The following PLCB4 variants were observed in gnomAD, a reference collection of about 807,000 sequenced individuals.
PLCB4 encodes the protein 1-phosphatidylinositol 4,5-bisphosphate phosphodiesterase beta-4.
Under a neutral mutation model 178.8 loss-of-function variants are expected in PLCB4, and 77 were observed. The ratio of observed to expected loss-of-function variants is 0.43; its 90% CI spans 0.36 to 0.52. The LOEUF is 0.52. Among genes scored for constraint, PLCB4 ranks in the 20% least tolerant of loss-of-function variants. PLCB4 has a pLI of 0.00. For synonymous variants in PLCB4, 496 were observed against 490.8 expected (o/e 1.01, Z -0.14); for missense variants, 1,024 against 1,453.4 (o/e 0.70, Z 4.80).
intron 28 of PLCB4, among the ~76,000 whole-genome samples, chr20:9,426,162 A>T (rs182010540): frequency 1.3e-5 from 2 of 152,216 alleles, no homozygotes; most frequent in African/African-American, 4.8e-5. Context: ...TCATCAATAT[A>T]CATCATTAGA....
intron 4 of PLCB4, among the ~76,000 whole-genome samples, chr20:9,322,117 ATT>A (rs749496709): frequency 6.9e-5 from 8 of 116,592 alleles, no homozygotes; most frequent in East Asian, 5.5e-4. Context: ...CACCCAGGTA[ATT>A]TTTTTTTTTT....
intron 3 of PLCB4, among the ~76,000 whole-genome samples, chr20:9,263,305 TA>T (rs1453200383): frequency 1.3e-5 from 2 of 152,032 alleles, no homozygotes; most frequent in African/African-American, 4.8e-5. Flanking sequence ...AATTGACCAC[TA>T]CCTAAAATTG....
chr20:9,128,327 G>A (rs2092181830), intron 2 of PLCB4, among the ~76,000 whole-genome samples: 2 of 152,228 alleles, frequency 1.3e-5, no homozygotes, highest in Middle Eastern at 3.4e-3. Flanking sequence ...GCAGAACTAT[G>A]AGCCAATTAA....
intron 7 of PLCB4, 133 bp from the exon 8 acceptor site, chr20:9,362,763 G>A (rs1739433916): frequency 1.6e-6 from 1 of 644,810 alleles, no homozygotes; most frequent in East Asian, 2.8e-5. Context: ...ATAGATGGCT[G>A]TGTGACAGGA....
At chr20:9,390,664 G>A (rs765790377) in intron 17 of PLCB4, 49 bp downstream of exon 17, 4 of 904,254 alleles carry the variant, frequency 4.4e-6, no homozygotes, top group South Asian at 2.7e-5. Context: ...GATTTGTTTT[G>A]AAAATTTCTG....
At chr20:9,169,643 A>C (rs544670362) in intron 2 of PLCB4, among the ~76,000 whole-genome samples, 2 of 152,132 alleles carry the variant, frequency 1.3e-5, no homozygotes, top group East Asian at 3.9e-4. Flanking sequence ...AGGGTTCTAG[A>C]TACCATGTGA....
chr20:9,087,646 C>T (rs558325254), intron 1 of PLCB4, among the ~76,000 whole-genome samples: 3 of 152,204 alleles, frequency 2.0e-5, no homozygotes, highest in Non-Finnish European at 4.4e-5. Flanking sequence ...CTCCTCTCTT[C>T]CTCTCCTACA....
At chr20:9,337,654 A>C (rs190127227) in intron 5 of PLCB4, among the ~76,000 whole-genome samples, 1 of 152,218 alleles carries the variant, frequency 6.6e-6, no homozygotes, top group Non-Finnish European at 1.5e-5. Flanking sequence ...GAAAAGAATT[A>C]AAGTTATATA....
chr20:9,255,932 A>G (rs1207898583), intron 3 of PLCB4, among the ~76,000 whole-genome samples: 1 of 137,848 alleles, frequency 7.3e-6, no homozygotes, highest in Non-Finnish European at 1.5e-5. Context: ...ATTGCATAAC[A>G]TATATATATA....
chr20:9,109,781 T>G (rs1192878409), intron 2 of PLCB4, among the ~76,000 whole-genome samples: 1 of 152,182 alleles, frequency 6.6e-6, no homozygotes, highest in Non-Finnish European at 1.5e-5. Context: ...TTGCCAGGAC[T>G]GAACTGCAGT....
intron 27 of PLCB4, 77 bp downstream of exon 27, chr20:9,421,538 C>T: frequency 2.7e-6 from 3 of 1,124,140 alleles, no homozygotes; most frequent in Non-Finnish European, 3.9e-6. Context: ...CTACACGATA[C>T]AGGGGCACTT....
chr20:9,455,566 G>A (rs961373663), intron 33 of PLCB4, among the ~76,000 whole-genome samples: 2 of 152,000 alleles, frequency 1.3e-5, no homozygotes, highest in Non-Finnish European at 2.9e-5. Flanking sequence ...CCCCAAACAG[G>A]CTATTGAGTG....
At chr20:9,320,140 G>A (rs1021434045) in intron 4 of PLCB4, among the ~76,000 whole-genome samples, 2 of 152,128 alleles carry the variant, frequency 1.3e-5, no homozygotes, top group Non-Finnish European at 2.9e-5. Flanking sequence ...GACAGATGCT[G>A]GTTAGCTATT....
chr20:9,109,296 C>G lies in PLCB4; in HGVS notation c.-79+12954C>G, dbSNP rs73609416. On this transcript the variant is annotated intron_variant, in intron 2 of 39. Coordinates refer to ENST00000378473, the MANE Select transcript of PLCB4 (RefSeq NM_001377142.1). ...ACAAAAGAAAACAAAAATAAACAACCAACTCACACTTCTGGTCCTTTCTCT... is the reference window on the plus strand; with the variant it reads ...ACAAAAGAAAACAAAAATAAACAACGAACTCACACTTCTGGTCCTTTCTCT... Among the ~76,000 whole-genome samples, 351 of 152,090 alleles carry G rather than the reference C, an allele frequency of 2.3e-3. 1 individual carries two copies. The highest frequency in any genetic ancestry group is 7.4e-3 in the African/African-American group (308 of 41,528).
At chr20:9,346,986 A>G (rs2033863305) in intron 7 of PLCB4, among the ~76,000 whole-genome samples, 1 of 151,966 alleles carries the variant, frequency 6.6e-6, no homozygotes, top group African/African-American at 2.4e-5. Flanking sequence ...TTGCAAGACC[A>G]TCTCTCCTAG....
intron 2 of PLCB4, among the ~76,000 whole-genome samples, chr20:9,188,241 A>G (rs1465894611): frequency 6.6e-6 from 1 of 152,222 alleles, no homozygotes; most frequent in East Asian, 1.9e-4. Flanking sequence ...TTGTAATTTA[A>G]AATAAGGTGA....
chr20:9,282,146 C>A (rs1231827840), intron 3 of PLCB4, among the ~76,000 whole-genome samples: 1 of 151,958 alleles, frequency 6.6e-6, no homozygotes, highest in Non-Finnish European at 1.5e-5. Context: ...AATGTAGACA[C>A]ACAACTTTGT....
intron 2 of PLCB4, among the ~76,000 whole-genome samples, chr20:9,211,728 A>G (rs1335963770): frequency 1.3e-5 from 2 of 152,236 alleles, no homozygotes; most frequent in South Asian, 2.1e-4. Context: ...TATGTACCCA[A>G]TAGAAGTTAT....
chr20:9,080,374 A>T (rs2090086453), intron 1 of PLCB4, among the ~76,000 whole-genome samples: 1 of 152,110 alleles, frequency 6.6e-6, no homozygotes, highest in Non-Finnish European at 1.5e-5. Context: ...TTACCTCCAA[A>T]TTGTGTGCAG....
Sources: gnomAD v4.1 joint callset for allele counts (sites outside exome capture counted in the v4.1 genomes callset) on GRCh38, gnomAD v4.1.1 for gene constraint, MANE v1.5 for transcripts, NCBI Gene and HGNC (gene_info 2026-07-23, HGNC 2026-07-21) for gene names.